Variants in BCAS3 observed in about 807,000 individuals in gnomAD.
BCAS3 encodes BCAS4/BCAS3 fusion.
In BCAS3, 53 loss-of-function variants were observed where a neutral mutation model predicts 116.1. That is an observed-to-expected ratio of 0.46 (90% CI 0.37 to 0.57). BCAS3 has a LOEUF of 0.57. Ranked by LOEUF, BCAS3 falls within the 20% of genes least tolerant of loss-of-function variation. The pLI, the probability that BCAS3 is intolerant of heterozygous loss-of-function variation, is 0.00. For missense variants in BCAS3, 917 were observed against 1,165.4 expected, an observed-to-expected ratio of 0.79 and a Z score of 3.10; for synonymous variants, 391 against 408.2, an observed-to-expected ratio of 0.96 and a Z score of 0.51.
intron 12 of BCAS3, among the ~76,000 whole-genome samples, chr17:60,916,078 C>G (rs1237086982): frequency 6.6e-6 from 1 of 152,280 alleles, no homozygotes; most frequent in South Asian, 2.1e-4. Context: ...TGCACTGTTT[C>G]TAGCATTTTT....
In BCAS3 at chr17:61,130,932, C is replaced by G. The variant is rs1316298706; in HGVS notation, c.2425+46368C>G. On this transcript the variant is annotated intron_variant, in intron 22 of 23. Transcript: ENST00000407086. The surrounding 1 kb of genome is among the most constrained non-coding windows in gnomAD (Gnocchi z 5.0). Reference sequence around the variant, plus strand: ...TTAGCCTGGCCTGGTGGCGGGCACCCGTAATTCCAGCTACTTGGGAGGCTG... The same window carrying G: ...TTAGCCTGGCCTGGTGGCGGGCACCGGTAATTCCAGCTACTTGGGAGGCTG... The G allele has an allele frequency of 6.6e-6, 1 of 152,144 alleles. No individual in the cohort carries two copies. The highest frequency in any genetic ancestry group is 6.5e-5 in the Admixed American group (1 of 15,268). 9.4% of individuals were successfully genotyped at this position (152,144 alleles called of 1,614,324 possible). A position where few individuals can be genotyped will look rare whatever the true frequency, so the allele number is the denominator to read the frequency against.
intron 9 of BCAS3, among the ~76,000 whole-genome samples, chr17:60,882,048 G>T (rs894143237): frequency 1.3e-5 from 2 of 148,364 alleles, no homozygotes; most frequent in African/African-American, 5.1e-5. Context: ...CTAGTTTACA[G>T]TCCCACCAAC....
chr17:60,856,168 A>G (rs563530964), intron 7 of BCAS3, among the ~76,000 whole-genome samples: 1 of 152,172 alleles, frequency 6.6e-6, no homozygotes, highest in Non-Finnish European at 1.5e-5. Context: ...CATCTTTTCC[A>G]TTGCCTTTTA....
intron 22 of BCAS3, among the ~76,000 whole-genome samples, chr17:61,146,235 TAGCTGGGATTACAGGTGTA>T (rs1365898287): frequency 6.6e-6 from 1 of 151,586 alleles, no homozygotes; most frequent in Non-Finnish European, 1.5e-5. Context: ...GTCTCCTGAG[TAGCTGGGATTACAGGTGTA>T]AGCCACTACA....
At chr17:61,055,278 C>T (rs2069260787) in intron 19 of BCAS3, among the ~76,000 whole-genome samples, 1 of 152,194 alleles carries the variant, frequency 6.6e-6, no homozygotes, top group Non-Finnish European at 1.5e-5. Flanking sequence ...AATGCTACAA[C>T]TGTCTGCTGT....
rs577683010 is a variant in BCAS3, at chr17:61,226,088, G to A, written c.2425+141524G>A. 5.5e-4 allele frequency among the ~76,000 whole-genome samples: 83 copies of A among 152,204 alleles called. No homozygotes were observed. Among genetic ancestry groups the A allele is most frequent in the Non-Finnish European group, 1.1e-3 (72 of 68,010 alleles). ...TGAGCAAGCTGTAATGGTGCCTGTC[G>A]AGAGTCCCAGCTGCTTGGGGGGCTA... On this transcript the variant is annotated intron_variant, in intron 22 of 23. Transcript: ENST00000407086. The surrounding 1 kb of genome is among the most constrained non-coding windows in gnomAD (Gnocchi z 6.0).
At chr17:60,759,675 T>C (rs1347796305) in intron 6 of BCAS3, among the ~76,000 whole-genome samples, 1 of 152,078 alleles carries the variant, frequency 6.6e-6, no homozygotes, top group Non-Finnish European at 1.5e-5. Context: ...TCATTTTGTT[T>C]ATTTTTACAG....
rs537591024 is a variant in BCAS3, at chr17:61,235,045, T to G, written c.2426-133282T>G. Among the ~76,000 whole-genome samples, 48 of 152,108 alleles carry G rather than the reference T, an allele frequency of 3.2e-4. No homozygotes were observed. Among genetic ancestry groups the G allele is most frequent in the African/African-American group, 1.1e-3 (47 of 41,500 alleles). ...TGGGACTATAGGCGCACGCCACCAC[T>G]CCTGGCTAAGTTTTGTATTTTAGTA... On this transcript the variant is annotated intron_variant, in intron 22 of 23. Coordinates refer to ENST00000407086, the MANE Select transcript of BCAS3 (RefSeq NM_017679.5). The surrounding 1 kb of genome is among the most constrained non-coding windows in gnomAD (Gnocchi z 5.0).
At position 61,226,676 on chromosome 17, in the gene BCAS3, C is replaced by CT. The variant is rs933730287; in HGVS notation, c.2426-141645dup. Among the ~76,000 whole-genome samples the CT allele has an allele frequency of 2.0e-5, 3 of 152,014 alleles. No individual in the cohort carries two copies. The highest frequency in any genetic ancestry group is 7.3e-5 in the African/African-American group (3 of 41,366). Reference sequence around the variant, plus strand: ...TCATGTGTATTTTCTGTATTTTTTCCTTTTTTGCCATCAAAGCTGAGAACC... The same window carrying CT: ...TCATGTGTATTTTCTGTATTTTTTCCTTTTTTTGCCATCAAAGCTGAGAACC... On this transcript the variant is annotated intron_variant, in intron 22 of 23. Transcript: ENST00000407086. This position sits in a 1 kb window ranked among gnomAD's most constrained non-coding sequence, Gnocchi z 6.0.
intron 22 of BCAS3, among the ~76,000 whole-genome samples, chr17:61,177,883 T>C (rs911666788): frequency 6.6e-5 from 10 of 152,336 alleles, no homozygotes; most frequent in East Asian, 3.9e-4. Context: ...CATCATTATT[T>C]AATGAGAGAG....
intron 22 of BCAS3, among the ~76,000 whole-genome samples, chr17:61,271,124 C>CTTTTT (rs1198682844): frequency 9.3e-6 from 1 of 107,126 alleles, no homozygotes; most frequent in African/African-American, 3.6e-5. Context: ...AACTTTTATT[C>CTTTTT]TTTTTTTTTT....
At chr17:60,759,132 C>G (rs2043270623) in intron 6 of BCAS3, among the ~76,000 whole-genome samples, 1 of 152,136 alleles carries the variant, frequency 6.6e-6, no homozygotes, top group East Asian at 1.9e-4. Context: ...TGCCACCACA[C>G]CCAGCTAATT....
rs1017702082 is a variant in BCAS3, at chr17:61,283,401, G to A, written c.2426-84926G>A. Among the ~76,000 whole-genome samples the A allele has an allele frequency of 3.3e-5, 5 of 151,970 alleles. No individual in the cohort carries two copies. In the East Asian group the frequency reaches 9.6e-4, roughly 29 times the overall value. On this transcript the variant is annotated intron_variant, in intron 22 of 23. Transcript: ENST00000407086. The stretch of plus-strand genomic sequence containing the variant: ...AGTTCATCAGCGATGATGAAGGGAA[G>A]ACCAAGTGAATTTAGAGGGGATTTG...
Position 61,367,880 on chromosome 17 carries a change from A to C in BCAS3, c.2426-447A>C, listed in dbSNP as rs915900761. The C allele has an allele frequency of 2.0e-5, 3 of 152,840 alleles. No homozygotes were observed. The highest frequency in any genetic ancestry group is 7.2e-5 in the African/African-American group (3 of 41,478). The allele number at this position is 152,840 out of a possible 1,614,324, so 9.5% of individuals were successfully genotyped here. On this transcript the variant is annotated intron_variant, in intron 22 of 23. Transcript: ENST00000407086. The surrounding 1 kb of genome is among the most constrained non-coding windows in gnomAD (Gnocchi z 6.2). Reference sequence around the variant, plus strand: ...AGGCTGGTCTCAAAGTCCTGGCCTCAAGCAATCTTCCCGCGTTGGCCTCTC... The same window carrying C: ...AGGCTGGTCTCAAAGTCCTGGCCTCCAGCAATCTTCCCGCGTTGGCCTCTC...
intron 15 of BCAS3, among the ~76,000 whole-genome samples, chr17:61,011,413 A>G (rs2065107333): frequency 6.6e-6 from 1 of 152,048 alleles, no homozygotes; most frequent in Admixed American, 6.6e-5. Context: ...GGAAATGTCT[A>G]AAGATCTATT....
chr17:61,050,509 A>G (rs1337623487), intron 19 of BCAS3, among the ~76,000 whole-genome samples: 1 of 151,940 alleles, frequency 6.6e-6, no homozygotes, highest in Non-Finnish European at 1.5e-5. Flanking sequence ...GTGGTATAAT[A>G]TTACCTGAAG....
chr17:61,154,189 G>A (rs899114695), intron 22 of BCAS3, among the ~76,000 whole-genome samples: 7 of 152,100 alleles, frequency 4.6e-5, no homozygotes, highest in Admixed American at 3.9e-4. Context: ...GTCCTTTGAG[G>A]AAGGAAGGAA....
Position 60,732,132 on chromosome 17 carries a change from G to A in BCAS3, c.322-15066G>A, listed in dbSNP as rs182630369. ...TTAGTGTAGTACATTTAGTACAATT[G>A]ATGAGCTTATATTGACACATTATTA... On this transcript the variant is annotated intron_variant, in intron 5 of 23. Coordinates refer to ENST00000407086, the MANE Select transcript of BCAS3 (RefSeq NM_017679.5). Among the ~76,000 whole-genome samples the A allele has an allele frequency of 9.8e-4, 149 of 152,152 alleles. 1 individual carries two copies. The highest frequency in any genetic ancestry group is 2.1e-3 in the Admixed American group (32 of 15,286).
chr17:60,824,157 A>G (rs1264416522), intron 7 of BCAS3, among the ~76,000 whole-genome samples: 1 of 152,200 alleles, frequency 6.6e-6, no homozygotes, highest in African/African-American at 2.4e-5. Flanking sequence ...AAAGTAATGG[A>G]AATGATTTTC....
Sources: allele counts gnomAD v4.1 joint callset (sites outside exome capture counted in the v4.1 genomes callset), GRCh38; gene constraint gnomAD v4.1.1; non-coding constraint Gnocchi (gnomAD v3.1); transcripts MANE v1.5; gene names NCBI Gene and HGNC (gene_info 2026-07-23, HGNC 2026-07-21).